FANCA: variants seen among roughly 807,000 people sequenced by gnomAD.
FANCA encodes FA complementation group A.
Under a neutral mutation model 194.3 loss-of-function variants are expected in FANCA, and 236 were observed. The ratio of observed to expected loss-of-function variants is 1.21; its 90% CI spans 1.09 to 1.35. FANCA has a LOEUF of 1.35. Ranked by LOEUF, FANCA falls within the 40% of genes most tolerant of loss-of-function variation. FANCA has a pLI of 0.00. For synonymous variants in FANCA, 1,014 were observed against 715.8 expected (o/e 1.42, Z -6.65); for missense variants, 2,628 against 1,813.9 (o/e 1.45, Z -8.15).
In FANCA at chr16:89,742,837, CTGA is replaced by C. The variant is rs1441710252; in HGVS notation, c.3725_3727del (p.Ile1242del). 2.5e-6 allele frequency: 4 copies of C among 1,614,158 alleles called. No individual in the cohort carries two copies. Among genetic ancestry groups the C allele is most frequent in the Non-Finnish European group, 3.4e-6 (4 of 1,180,028 alleles). On this transcript the variant is annotated inframe_deletion, in exon 37 of 43. Transcript: ENST00000389301. ...GCAGTCCAGCTTCTTTAGCTGCTTC[CTGA>C]TGTTTTCTTCCCTGACTTGTTGAAT...
At chr16:89,761,148 G>T (rs2283565) in intron 29 of FANCA, among the ~76,000 whole-genome samples, 9,106 of 152,254 alleles carry the variant, frequency 0.06, 424 homozygotes, top group East Asian at 0.22. Flanking sequence ...GGCCAGGCGC[G>T]GTGGCTCACG....
In FANCA at chr16:89,781,152, C is replaced by A. The variant is rs1338149545; in HGVS notation, c.1627-1195G>T. 2.0e-5 allele frequency among the ~76,000 whole-genome samples: 3 copies of A among 151,954 alleles called. No individual in the cohort carries two copies. In the East Asian group the frequency reaches 5.8e-4, roughly 29 times the overall value. ...GACCGAGGCAGACGGATCACGAGGT[C>A]AGGAGACCGAGACCATCCTGGCTAA... On this transcript the variant is annotated intron_variant, in intron 17 of 42. Coordinates refer to ENST00000389301, the MANE Select transcript of FANCA (RefSeq NM_000135.4).
chr16:89,747,182 G>A (rs1232816975), intron 33 of FANCA, among the ~76,000 whole-genome samples: 4 of 152,292 alleles, frequency 2.6e-5, no homozygotes, highest in African/African-American at 7.2e-5. Flanking sequence ...GGAAGGGGAC[G>A]CACCCGGAGC....
intron 3 of FANCA, among the ~76,000 whole-genome samples, chr16:89,812,987 G>A (rs1006740097): frequency 6.7e-6 from 1 of 148,488 alleles, no homozygotes; most frequent in African/African-American, 2.5e-5. Context: ...GAGCCGAGAT[G>A]GCGCCATTGC....
intron 17 of FANCA, among the ~76,000 whole-genome samples, chr16:89,780,791 A>C (rs1302373819): frequency 6.6e-6 from 1 of 152,082 alleles, no homozygotes; most frequent in African/African-American, 2.4e-5. Flanking sequence ...CCAGCCAGGC[A>C]TGGTGGCGCA....
Position 89,795,968 on chromosome 16 carries a change from G to T in FANCA, c.944C>A (p.Pro315His), listed in dbSNP as rs764121307. 1 of 1,614,190 alleles carries T rather than the reference G, an allele frequency of 6.2e-7. No homozygotes were observed. Among genetic ancestry groups the T allele is most frequent in the Non-Finnish European group, 8.5e-7 (1 of 1,180,040 alleles). The change falls in exon 11 of 43, where the codon CCT (proline) becomes CAT (histidine). Residue 315 changes from proline to histidine, a missense_variant. By Grantham distance (77) the Pro-to-His change is moderately conservative. Transcript: ENST00000389301. ...GGTATGACTGAAGAACCTCTTCAGA[G>T]GATCTGTGGAAATTACACTGCCAAG... Reference protein sequence around the residue: ...HTLGSVISTDPLKRFFSHTLT... With the variant: ...HTLGSVISTDHLKRFFSHTLT...
At chr16:89,738,755 C>CA (rs1427774240) in intron 42 of FANCA, 47 bp from the exon 43 acceptor site, 10 of 1,612,630 alleles carry the variant, frequency 6.2e-6, no homozygotes, top group Non-Finnish European at 8.5e-6. Flanking sequence ...CACTAGGCCT[C>CA]AGACCACAGG....
At chr16:89,742,290 C>T (rs2062153143) in intron 37 of FANCA, among the ~76,000 whole-genome samples, 1 of 151,914 alleles carries the variant, frequency 6.6e-6, no homozygotes, top group Non-Finnish European at 1.5e-5. Flanking sequence ...AGACCCCCAT[C>T]TCAGAAAAAA....
chr16:89,784,270 G>A (rs1329918620), intron 15 of FANCA, among the ~76,000 whole-genome samples: 1 of 151,848 alleles, frequency 6.6e-6, no homozygotes, highest in Non-Finnish European at 1.5e-5. Context: ...TACTCAGGAC[G>A]CTGAGGTGGG....
At chr16:89,747,125 G>A (rs780607038) in intron 33 of FANCA, among the ~76,000 whole-genome samples, 7 of 152,178 alleles carry the variant, frequency 4.6e-5, no homozygotes, top group Non-Finnish European at 1.0e-4. Context: ...GGCCCAAACA[G>A]TCTTGTAGGC....
intron 26 of FANCA, among the ~76,000 whole-genome samples, chr16:89,768,312 G>C (rs113019762): frequency 6.6e-6 from 1 of 152,212 alleles, no homozygotes. Context: ...GATTCCATGA[G>C]GCAATGGAGA....
At chr16:89,787,339 C>T (rs925292568) in intron 14 of FANCA, among the ~76,000 whole-genome samples, 1 of 152,010 alleles carries the variant, frequency 6.6e-6, no homozygotes, top group East Asian at 1.9e-4. Context: ...CTGGCTAACC[C>T]GGTGAAACCC....
intron 3 of FANCA, among the ~76,000 whole-genome samples, chr16:89,812,101 C>G (rs1329586680): frequency 6.7e-6 from 1 of 149,844 alleles, no homozygotes; most frequent in Admixed American, 6.6e-5. Flanking sequence ...TTTGGGAGGC[C>G]GAGGCGGGCG....
chr16:89,778,898 GC>G, intron 19 of FANCA, 44 bp downstream of exon 19: 1 of 1,613,878 alleles, frequency 6.2e-7, no homozygotes, highest in Non-Finnish European at 8.5e-7. Flanking sequence ...GAAAGTCCTT[GC>G]TTTCTACACA....
chr16:89,739,631 G>A (rs568161085), intron 39 of FANCA, 78 bp from the exon 40 acceptor site: 35 of 1,517,462 alleles, frequency 2.3e-5, no homozygotes, highest in South Asian at 1.1e-4. Flanking sequence ...CCTGGGGGTC[G>A]GGACGTGTAC....
At chr16:89,772,338 G>A (rs1472538002) in intron 22 of FANCA, among the ~76,000 whole-genome samples, 1 of 152,214 alleles carries the variant, frequency 6.6e-6, no homozygotes, top group Non-Finnish European at 1.5e-5. Flanking sequence ...TCACCGGAAG[G>A]CTGCACTCAG....
intron 30 of FANCA, among the ~76,000 whole-genome samples, chr16:89,753,161 C>T (rs1598083010): frequency 6.6e-6 from 1 of 152,234 alleles, no homozygotes; most frequent in Non-Finnish European, 1.5e-5. Flanking sequence ...TCCTCTCCCT[C>T]TCTGCCTCAG....
rs1489828510 is a variant in FANCA, at chr16:89,808,359, CAA to C, written c.529_530del (p.Leu177ValfsTer3). The C allele has an allele frequency of 6.2e-7, 1 of 1,614,048 alleles. No individual in the cohort carries two copies. The highest frequency in any genetic ancestry group is 8.5e-7 in the Non-Finnish European group (1 of 1,179,986). ...CQELWKIQSS[L>X]LLEAVWHLHV... is the part of the protein sequence containing the mutation. ...GAAGATGCCACACCGCTTCAAGCAA[CAA>C]AGAACTCTGAAAAACAAAACAAAAC... is the stretch of plus-strand genomic sequence containing the variant. On this transcript the variant is annotated frameshift_variant, in exon 6 of 43. Coordinates refer to ENST00000389301, the MANE Select transcript of FANCA (RefSeq NM_000135.4). LOFTEE classifies it high-confidence loss of function.
chr16:89,771,653 CT>C lies in FANCA; in HGVS notation c.2151+24del, dbSNP rs2039329239. ...AATGGAAAATGGTGAAGACCCCCTGCTTTGTTCTGAGCCCCTACACCTACCA... is the reference window on the plus strand; with the variant it reads ...AATGGAAAATGGTGAAGACCCCCTGCTTGTTCTGAGCCCCTACACCTACCA... On this transcript the variant is annotated intron_variant, in intron 23 of 42. Transcript: ENST00000389301. The C allele has an allele frequency of 5.0e-6, 8 of 1,613,668 alleles. No individual in the cohort carries two copies. The African/African-American group carries it at 6.7e-5, about 13-fold the overall frequency.
Sources: gnomAD v4.1 joint callset for allele counts (sites outside exome capture counted in the v4.1 genomes callset) on GRCh38, gnomAD v4.1.1 for gene constraint, MANE v1.5 for transcripts, NCBI Gene and HGNC (gene_info 2026-07-23, HGNC 2026-07-21) for gene names.